CAMKK2: variants seen among roughly 807,000 people sequenced by gnomAD.
CAMKK2 encodes calcium/calmodulin-dependent protein kinase kinase 2.
CAMKK2 carries 30 observed loss-of-function variants against 67.2 expected under a neutral mutation model. The ratio of observed to expected loss-of-function variants is 0.45; its 90% confidence interval spans 0.33 to 0.61. The LOEUF (loss-of-function observed/expected upper bound fraction) is 0.61, where lower values mean the gene tolerates loss of function less well. CAMKK2 is among the 20% of genes least tolerant of loss of function. The pLI, the probability that CAMKK2 is intolerant of heterozygous loss-of-function variation, is 0.02. For missense variants in CAMKK2, 643 were observed against 802.0 expected (o/e 0.80, Z 2.39); for synonymous variants, 322 against 326.2 (o/e 0.99, Z 0.14).
chr12:121,245,053 A>C lies in CAMKK2; in HGVS notation c.1553+87T>G. 1.1e-6 allele frequency: 1 copy of C among 875,274 alleles called. No individual in the cohort carries two copies. The highest frequency in any genetic ancestry group is 1.9e-6 in the Non-Finnish European group (1 of 538,806). 54.2% of individuals were successfully genotyped at this position (875,274 alleles called of 1,614,324 possible). ...TCCAGATGGCACCACTTCAGGGAGG[A>C]CCTGTGCAGAGTGGTCTGGGCAGGG... On this transcript the variant is annotated intron_variant, in intron 15 of 16. Coordinates refer to ENST00000404169, the MANE Select transcript of CAMKK2 (RefSeq NM_001270485.2). This position sits in a 1 kb window ranked among gnomAD's most constrained non-coding sequence, Gnocchi z 5.8.
intron 3 of CAMKK2, among the ~76,000 whole-genome samples, chr12:121,270,513 C>T (rs1895547285): frequency 1.3e-5 from 2 of 152,126 alleles, no homozygotes; most frequent in African/African-American, 2.4e-5. Flanking sequence ...TGCCTCACTC[C>T]TTTATATTAC....
chr12:121,297,460 TG>T (rs1309868564), upstream of CAMKK2: 2 of 392,510 alleles, frequency 5.1e-6, no homozygotes, highest in African/African-American at 4.1e-5. Context: ...AAGTTCATTC[TG>T]GCTTTTCCAG....
intron 1 of CAMKK2, among the ~76,000 whole-genome samples, chr12:121,294,212 C>T (rs866909519): frequency 2.0e-5 from 3 of 151,622 alleles, no homozygotes; most frequent in Non-Finnish European, 2.9e-5. Flanking sequence ...GGATTACAAG[C>T]GTGAGCCACC....
chr12:121,240,755 C>T lies in CAMKK2; in HGVS notation c.1711G>A (p.Gly571Ser), dbSNP rs200750895. 551 of 1,608,348 alleles carry T rather than the reference C, an allele frequency of 3.4e-4. 2 individuals carry two copies. In the South Asian group the frequency reaches 5.2e-3, roughly 15 times the overall value. The change falls in exon 17 of 17, where the codon GGC (glycine) becomes AGC (serine). Residue 571 changes from glycine (G) to serine (S), a missense_variant. This residue lies in a region of CAMKK2 where 140 missense variants were observed against 124.2 expected (regional missense o/e 1.13). Coordinates refer to ENST00000404169, the MANE Select transcript of CAMKK2 (RefSeq NM_001270485.2). This position sits in a 1 kb window ranked among gnomAD's most constrained non-coding sequence, Gnocchi z 4.4. Reference sequence around the variant, plus strand: ...AGTGGATGCATGCGTGCGGGGGAGCCGGGGGCGGGGGCCCAGCAACTTTCC... The same window carrying T: ...AGTGGATGCATGCGTGCGGGGGAGCTGGGGGCGGGGGCCCAGCAACTTTCC... ...CVESCWAPAP[G>S]SPARMHPLRP...
intron 1 of CAMKK2, among the ~76,000 whole-genome samples, chr12:121,277,261 C>T (rs151177991): frequency 2.1e-3 from 317 of 152,304 alleles, no homozygotes; most frequent in Middle Eastern, 6.8e-3. Flanking sequence ...TCCAATCATG[C>T]GGCAAGATGT....
At chr12:121,260,790 TA>T (rs1893295136) in intron 6 of CAMKK2, among the ~76,000 whole-genome samples, 1 of 151,834 alleles carries the variant, frequency 6.6e-6, no homozygotes, top group African/African-American at 2.4e-5. Context: ...CCATCTCTAC[TA>T]AAAATACAAA....
chr12:121,271,794 G>C (rs1200714096), intron 2 of CAMKK2, among the ~76,000 whole-genome samples: 1 of 151,930 alleles, frequency 6.6e-6, no homozygotes, highest in Non-Finnish European at 1.5e-5. Flanking sequence ...CGCAACCTCC[G>C]CCTCCCAGAT....
At chr12:121,287,087 G>A (rs1346071021) in intron 1 of CAMKK2, among the ~76,000 whole-genome samples, 2 of 151,958 alleles carry the variant, frequency 1.3e-5, no homozygotes, top group African/African-American at 2.4e-5. Context: ...TGTATTTTTG[G>A]TAGAGATGGG....
intron 11 of CAMKK2, among the ~76,000 whole-genome samples, chr12:121,250,479 C>T (rs1233684546): frequency 1.3e-5 from 2 of 152,156 alleles, no homozygotes; most frequent in African/African-American, 4.8e-5. Flanking sequence ...ATTCACTGTT[C>T]CCCGTCCCTG....
At chr12:121,272,224 A>G (rs761439531) in intron 2 of CAMKK2, among the ~76,000 whole-genome samples, 1 of 152,268 alleles carries the variant, frequency 6.6e-6, no homozygotes, top group Non-Finnish European at 1.5e-5. Flanking sequence ...AGACTTGCAT[A>G]TAAATATTAA....
At chr12:121,280,430 T>C (rs1476845427) in intron 1 of CAMKK2, among the ~76,000 whole-genome samples, 1 of 152,172 alleles carries the variant, frequency 6.6e-6, no homozygotes, top group Non-Finnish European at 1.5e-5. Flanking sequence ...TTGTACAGCA[T>C]GTGTGTTTGT....
intron 7 of CAMKK2, among the ~76,000 whole-genome samples, chr12:121,258,792 C>T (rs967931762): frequency 7.9e-5 from 12 of 151,930 alleles, no homozygotes; most frequent in African/African-American, 2.4e-4. Flanking sequence ...TCATTCCACC[C>T]GTCAGCTCAA....
intron 10 of CAMKK2, among the ~76,000 whole-genome samples, chr12:121,252,935 C>T (rs751891737): frequency 1.2e-4 from 19 of 152,182 alleles, no homozygotes; most frequent in Non-Finnish European, 2.2e-4. Flanking sequence ...GCACATGACC[C>T]ATGTTGGGCC....
chr12:121,290,152 T>C (rs1017052624), intron 1 of CAMKK2, among the ~76,000 whole-genome samples: 6 of 152,188 alleles, frequency 3.9e-5, no homozygotes, highest in Non-Finnish European at 8.8e-5. Flanking sequence ...TCCGCTTCCC[T>C]TGTCTGGAAC....
intron 7 of CAMKK2, among the ~76,000 whole-genome samples, chr12:121,256,407 CG>C (rs1892308413): frequency 6.6e-6 from 1 of 152,130 alleles, no homozygotes; most frequent in Non-Finnish European, 1.5e-5. Context: ...ATGAAATTTA[CG>C]TAACATAAAA....
rs1265105000 is a variant in CAMKK2, at chr12:121,243,033, C to T, written c.1596+1540G>A. Among the ~76,000 whole-genome samples the T allele has an allele frequency of 7.3e-5, 11 of 151,494 alleles. 1 individual carries two copies. Among genetic ancestry groups the T allele is most frequent in the Admixed American group, 3.3e-4 (5 of 15,192 alleles). On this transcript the variant is annotated intron_variant, in intron 16 of 16. Transcript: ENST00000404169. ...CTGGGATTACAGGCGTGAGCCACCG[C>T]GCCCAGCCTTTTTTTTTGAGACAGA...
chr12:121,261,559 C>A (rs561166057), intron 6 of CAMKK2, among the ~76,000 whole-genome samples: 5 of 152,340 alleles, frequency 3.3e-5, no homozygotes, highest in South Asian at 2.1e-4. Flanking sequence ...AAGGGAGGCA[C>A]CCTAGGCAGA....
chr12:121,269,199 C>T (rs575001344), intron 4 of CAMKK2, among the ~76,000 whole-genome samples: 94 of 152,246 alleles, frequency 6.2e-4, no homozygotes, highest in Non-Finnish European at 9.4e-4. Flanking sequence ...TTCAAAACTA[C>T]GCTGGACTGA....
Position 121,241,022 on chromosome 12 carries a change from C to T in CAMKK2, c.1597-153G>A, listed in dbSNP as rs942801193. ...GTAACCCAGTCTTTGAGATCCTCTC[C>T]CCTTTTCCTTGCTCACATAAATTTT... On this transcript the variant is annotated intron_variant, in intron 16 of 16. Transcript: ENST00000404169. Among the ~76,000 whole-genome samples the T allele has an allele frequency of 2.0e-5, 3 of 152,316 alleles. No homozygotes were observed. The East Asian group carries it at 5.8e-4, about 29-fold the overall frequency.
Sources: gnomAD v4.1 joint callset for allele counts (sites outside exome capture counted in the v4.1 genomes callset) on GRCh38, gnomAD v4.1.1 for gene constraint, gnomAD v4.1.1 regional missense constraint, Gnocchi (gnomAD v3.1) non-coding constraint, MANE v1.5 for transcripts, NCBI Gene and HGNC (gene_info 2026-07-23, HGNC 2026-07-21) for gene names.